SNX29: variants seen among roughly 807,000 people sequenced by gnomAD.
The protein encoded by SNX29 is sorting nexin-29.
A neutral mutation model predicts 102.1 loss-of-function variants in SNX29; 78 were observed. That is an observed-to-expected ratio of 0.76 (90% confidence interval 0.64 to 0.92). The LOEUF (loss-of-function observed/expected upper bound fraction) is 0.92. Ranked by LOEUF, SNX29 falls within the 40% of genes least tolerant of loss-of-function variation. SNX29 has a pLI of 0.00. For missense variants in SNX29, 1,280 were observed against 1,061.7 expected (o/e 1.21, Z -2.86); for synonymous variants, 580 against 414.5 (o/e 1.40, Z -4.85).
intron 15 of SNX29, among the ~76,000 whole-genome samples, chr16:12,301,474 GTCTCCAT>G (rs2080171661): frequency 6.6e-6 from 1 of 152,204 alleles, no homozygotes; most frequent in Non-Finnish European, 1.5e-5. Flanking sequence ...TGTCCTCCCA[GTCTCCAT>G]TCAGTGTCAC....
chr16:12,444,846 T>G (rs2085975142), intron 18 of SNX29, among the ~76,000 whole-genome samples: 1 of 149,552 alleles, frequency 6.7e-6, no homozygotes, highest in African/African-American at 2.5e-5. Flanking sequence ...TTTTTTGTTT[T>G]TTTTTTTTTT....
At chr16:11,979,299 A>AAAAAAAAAAAAAAAAAAAAAAG (rs2055366641) in intron 1 of SNX29, among the ~76,000 whole-genome samples, 1 of 148,962 alleles carries the variant, frequency 6.7e-6, no homozygotes, top group African/African-American at 2.5e-5. Flanking sequence ...AAAAAAAAAA[A>AAAAAAAAAAAAAAAAAAAAAAG]TCGTTACATC....
chr16:12,215,641 C>T (rs542471442), intron 14 of SNX29, among the ~76,000 whole-genome samples: 8 of 152,182 alleles, frequency 5.3e-5, no homozygotes, highest in African/African-American at 1.9e-4. Flanking sequence ...CCTATGATGC[C>T]CTAGTTGGGT....
At chr16:12,229,305 T>G (rs140717232) in intron 14 of SNX29, among the ~76,000 whole-genome samples, 269 of 152,268 alleles carry the variant, frequency 1.8e-3, no homozygotes, top group African/African-American at 5.8e-3. Context: ...TAAATATGAT[T>G]TGGATGTGTG....
chr16:12,416,546 GTGTGGCTGTGAAGGAACACC>G (rs534601117), intron 18 of SNX29, among the ~76,000 whole-genome samples: 72 of 152,274 alleles, frequency 4.7e-4, no homozygotes, highest in African/African-American at 1.5e-3. Context: ...CGTTTGTTTT[GTGTGGCTGTGAAGGAACACC>G]TGACGCTGGG....
intron 11 of SNX29, among the ~76,000 whole-genome samples, chr16:12,108,667 C>G (rs350250): frequency 0.5 from 75,220 of 151,914 alleles, 19,794 homozygotes; most frequent in East Asian, 0.69. Flanking sequence ...CCACAGCTGG[C>G]CATCAGGGAG....
intron 20 of SNX29, 35 bp downstream of exon 20, chr16:12,524,876 C>G (rs761328601): frequency 1.3e-6 from 2 of 1,596,976 alleles, no homozygotes; most frequent in African/African-American, 2.7e-5. Context: ...GGCCGCCAGC[C>G]CTGCCAGCAT....
intron 1 of SNX29, among the ~76,000 whole-genome samples, chr16:11,986,888 T>G (rs1158728221): frequency 3.3e-5 from 5 of 152,220 alleles, no homozygotes; most frequent in Admixed American, 6.5e-5. Context: ...TTAGAAAAAG[T>G]CAGCAGCTGG....
intron 18 of SNX29, among the ~76,000 whole-genome samples, chr16:12,461,908 A>ATTGC (rs1442720444): frequency 7.4e-6 from 1 of 135,632 alleles, no homozygotes; most frequent in Non-Finnish European, 1.5e-5. Context: ...GTGAGCTGAG[A>ATTGC]TTGCGCCACT....
chr16:12,251,196 G>A (rs2078410088), intron 14 of SNX29, among the ~76,000 whole-genome samples: 1 of 152,204 alleles, frequency 6.6e-6, no homozygotes, highest in African/African-American at 2.4e-5. Flanking sequence ...GCCTCACTTG[G>A]TTCATCTGTA....
intron 3 of SNX29, among the ~76,000 whole-genome samples, chr16:12,007,685 C>A (rs376351925): frequency 6.6e-6 from 1 of 152,154 alleles, no homozygotes; most frequent in Non-Finnish European, 1.5e-5. Flanking sequence ...TCCTGGCCCG[C>A]GGTCCCCATC....
chr16:12,217,267 G>A (rs2077348801), intron 14 of SNX29, among the ~76,000 whole-genome samples: 2 of 152,314 alleles, frequency 1.3e-5, no homozygotes, highest in South Asian at 4.1e-4. Flanking sequence ...CAGTCCTCCT[G>A]CCTTGGCCTC....
intron 14 of SNX29, among the ~76,000 whole-genome samples, chr16:12,229,216 G>A (rs1338323219): frequency 1.3e-5 from 2 of 152,204 alleles, no homozygotes; most frequent in African/African-American, 4.8e-5. Context: ...AAGCTCCCTG[G>A]TAGCAGGATT....
intron 18 of SNX29, among the ~76,000 whole-genome samples, chr16:12,407,667 A>T (rs141964494): frequency 4.6e-4 from 70 of 152,340 alleles, no homozygotes; most frequent in Non-Finnish European, 7.2e-4. Context: ...GTGGGGTAAG[A>T]AACTCTTACC....
At chr16:12,562,456 C>T (rs932814871) in intron 20 of SNX29, among the ~76,000 whole-genome samples, 3 of 152,162 alleles carry the variant, frequency 2.0e-5, no homozygotes, top group African/African-American at 4.8e-5. Flanking sequence ...GACTTTGATC[C>T]CCCTTCATAG....
intron 20 of SNX29, among the ~76,000 whole-genome samples, chr16:12,550,902 G>A (rs1445029032): frequency 2.0e-5 from 3 of 152,200 alleles, no homozygotes; most frequent in Non-Finnish European, 1.5e-5. Context: ...GGGAAGCTCA[G>A]AATTGCTGGT....
At chr16:12,532,905 C>A (rs138578891) in intron 20 of SNX29, among the ~76,000 whole-genome samples, 107 of 152,332 alleles carry the variant, frequency 7.0e-4, no homozygotes, top group South Asian at 1.0e-3. Flanking sequence ...AGCCCCAGAG[C>A]GTTAAGAACA....
intron 20 of SNX29, among the ~76,000 whole-genome samples, chr16:12,525,731 C>T (rs143395746): frequency 7.7e-6 from 1 of 130,266 alleles, no homozygotes; most frequent in Non-Finnish European, 1.6e-5. Context: ...AAAATCATTA[C>T]ACTTCAAAAT....
Position 12,569,898 on chromosome 16 carries a change from TC to T in SNX29, c.*1270del, listed in dbSNP as rs1256831312. ...AGTAAGTTTGTGTGTTTCGCCTTAA[TC>T]TGAGGCAGAGACACAGCAGAACCTG... On this transcript the variant is annotated 3_prime_UTR_variant, in exon 21 of 21. Transcript: ENST00000566228. 78 of 231,954 alleles carry T rather than the reference TC, an allele frequency of 3.4e-4. No homozygotes were observed. Among genetic ancestry groups the T allele is most frequent in the African/African-American group, 1.6e-3 (74 of 45,354 alleles). 14.4% of individuals were successfully genotyped at this position (231,954 alleles called of 1,614,324 possible).
Sources: allele counts gnomAD v4.1 joint callset (sites outside exome capture counted in the v4.1 genomes callset), GRCh38; gene constraint gnomAD v4.1.1; transcripts MANE v1.5; gene names NCBI Gene and HGNC (gene_info 2026-07-23, HGNC 2026-07-21).